MAP2: variants seen among roughly 807,000 people sequenced by gnomAD.
MAP2 encodes the protein microtubule associated protein 2, also known as microtubule-associated protein 2.
In MAP2, 14 loss-of-function variants were observed where a neutral mutation model predicts 137.6. The observed-to-expected ratio is 0.10, with a 90% CI of 0.07 to 0.16. The LOEUF (loss-of-function observed/expected upper bound fraction) is 0.16. Among genes scored for constraint, MAP2 ranks in the 10% least tolerant of loss-of-function variants. The probability of loss-of-function intolerance (pLI) is 1.00; values close to 1 mark genes in which losing one functional copy is unlikely to be tolerated. For missense variants in MAP2, 2,088 were observed against 2,191.5 expected, an observed-to-expected ratio of 0.95 and a Z score of 0.94; for synonymous variants, 786 against 782.3, an observed-to-expected ratio of 1.00 and a Z score of -0.08.
chr2:209,520,011 T>G (rs2063049445), intron 2 of MAP2, among the ~76,000 whole-genome samples: 1 of 152,098 alleles, frequency 6.6e-6, no homozygotes, highest in African/African-American at 2.4e-5. Flanking sequence ...TGTTTCAGAC[T>G]GGACATCCTA....
intron 3 of MAP2, 40 bp from the exon 4 acceptor site, chr2:209,625,013 G>T (rs1188579154): frequency 1.3e-5 from 2 of 152,070 alleles, no homozygotes; most frequent in Admixed American, 6.6e-5. Context: ...AATGTATATG[G>T]ATCAGGGATT....
intron 1 of MAP2, among the ~76,000 whole-genome samples, chr2:209,482,284 G>C (rs1032071778): frequency 6.6e-6 from 1 of 152,080 alleles, no homozygotes; most frequent in Non-Finnish European, 1.5e-5. Flanking sequence ...ATATAGACAT[G>C]AAAAAATGTT....
At chr2:209,710,621 C>T (rs1425032336) in intron 13 of MAP2, 1 of 176,754 alleles carries the variant, frequency 5.7e-6, no homozygotes, top group African/African-American at 2.4e-5. Context: ...GCTCATTTGG[C>T]TATCTTTTAG....
At chr2:209,500,136 C>G (rs1340409070) in intron 1 of MAP2, among the ~76,000 whole-genome samples, 1 of 152,198 alleles carries the variant, frequency 6.6e-6, no homozygotes, top group African/African-American at 2.4e-5. Flanking sequence ...AAGCACTCCC[C>G]TCTCTGATCC....
At chr2:209,612,194 T>C (rs1172328710) in intron 3 of MAP2, among the ~76,000 whole-genome samples, 2 of 152,192 alleles carry the variant, frequency 1.3e-5, no homozygotes, top group Non-Finnish European at 2.9e-5. Context: ...ATCAACTCTA[T>C]TTTATAGACC....
intron 1 of MAP2, among the ~76,000 whole-genome samples, chr2:209,476,609 C>T (rs568635648): frequency 6.6e-6 from 1 of 152,212 alleles, no homozygotes; most frequent in Non-Finnish European, 1.5e-5. Context: ...GGAAAAGCAA[C>T]ATTAGAGGTT....
At chr2:209,463,619 A>G (rs2149620650) in intron 1 of MAP2, among the ~76,000 whole-genome samples, 1 of 152,348 alleles carries the variant, frequency 6.6e-6, no homozygotes, top group Admixed American at 6.5e-5. Context: ...AATCATAAAA[A>G]TGTATGTACT....
In MAP2 at chr2:209,709,932, G is replaced by A; in HGVS notation, c.4751G>A (p.Arg1584Lys). Reference sequence around the variant, plus strand: ...AATACAGGGTCAGAGCCAATTCGCAGAGCAGGGAAGAGTGGTACCTCAACA... The same window carrying A: ...AATACAGGGTCAGAGCCAATTCGCAAAGCAGGGAAGAGTGGTACCTCAACA... ...RRTTRSEPIR[R>K]AGKSGTSTPT... is the part of the protein sequence containing the mutation. The change falls in exon 13 of 16, where the codon AGA becomes AAA. Residue 1584 changes from arginine (R) to lysine (K), a missense_variant. Coordinates refer to ENST00000682079, the MANE Select transcript of MAP2 (RefSeq NM_001375505.1). 6.2e-7 allele frequency: 1 copy of A among 1,613,510 alleles called. No individual in the cohort carries two copies. The highest frequency in any genetic ancestry group is 1.1e-5 in the South Asian group (1 of 91,026).
Position 209,731,063 on chromosome 2 carries a change from A to G in MAP2, c.*666A>G, listed in dbSNP as rs1313981057. On this transcript the variant is annotated 3_prime_UTR_variant, in exon 16 of 16. Coordinates refer to ENST00000682079, the MANE Select transcript of MAP2 (RefSeq NM_001375505.1). The stretch of plus-strand genomic sequence containing the variant: ...CATCCATTAGGAATGATGCACTTTC[A>G]TTAGGATGGACTCGTGTCTGATTAG... 6.5e-6 allele frequency: 1 copy of G among 152,710 alleles called. No homozygotes were observed. Among genetic ancestry groups the G allele is most frequent in the Non-Finnish European group, 1.5e-5 (1 of 68,118 alleles). The allele number at this position is 152,710 out of a possible 1,614,324, so 9.5% of individuals were successfully genotyped here.
intron 2 of MAP2, among the ~76,000 whole-genome samples, chr2:209,522,558 C>A (rs576278289): frequency 3.3e-4 from 50 of 152,214 alleles, no homozygotes; most frequent in African/African-American, 1.1e-3. Context: ...CATTGTATTT[C>A]TGATTGAGAG....
chr2:209,640,929 TAG>T (rs2093976473), intron 4 of MAP2, among the ~76,000 whole-genome samples: 1 of 151,988 alleles, frequency 6.6e-6, no homozygotes, highest in South Asian at 2.1e-4. Flanking sequence ...CTCCAACTTT[TAG>T]AGTTTTGTTT....
chr2:209,653,049 C>A, intron 4 of MAP2, 93 bp from the exon 5 acceptor site: 2 of 940,816 alleles, frequency 2.1e-6, no homozygotes, highest in East Asian at 2.7e-5. Flanking sequence ...TAGAAAGCCA[C>A]ACGGTTTGCT....
At chr2:209,724,015 T>C (rs1206239436) in intron 13 of MAP2, among the ~76,000 whole-genome samples, 1 of 152,210 alleles carries the variant, frequency 6.6e-6, no homozygotes, top group African/African-American at 2.4e-5. Flanking sequence ...TTTCTCACGT[T>C]GTTTCTACTC....
At chr2:209,620,180 T>A (rs1032261340) in intron 3 of MAP2, among the ~76,000 whole-genome samples, 1 of 152,212 alleles carries the variant, frequency 6.6e-6, no homozygotes, top group Non-Finnish European at 1.5e-5. Flanking sequence ...TCTAATTGTT[T>A]ATCCTTCACC....
At chr2:209,614,628 C>T (rs72997683) in intron 3 of MAP2, among the ~76,000 whole-genome samples, 11,297 of 152,234 alleles carry the variant, frequency 0.074, 605 homozygotes, top group Non-Finnish European at 0.11. Context: ...GTAATATTCT[C>T]ACTCAATTAA....
At chr2:209,481,465 G>A (rs1708759971) in intron 1 of MAP2, among the ~76,000 whole-genome samples, 1 of 152,176 alleles carries the variant, frequency 6.6e-6, no homozygotes, top group African/African-American at 2.4e-5. Flanking sequence ...GTACACCAAA[G>A]TGCCACTCCA....
At chr2:209,533,247 C>G (rs575298325) in intron 2 of MAP2, among the ~76,000 whole-genome samples, 4 of 152,096 alleles carry the variant, frequency 2.6e-5, no homozygotes, top group African/African-American at 9.7e-5. Context: ...CAGGTTCAAG[C>G]GATTCTCCTG....
chr2:209,651,108 C>T (rs1284907487), intron 4 of MAP2, among the ~76,000 whole-genome samples: 9 of 152,108 alleles, frequency 5.9e-5, no homozygotes, highest in African/African-American at 1.7e-4. Flanking sequence ...CACAACTCAG[C>T]GGAAACACAA....
At chr2:209,654,897 T>G (rs2095043437) in intron 5 of MAP2, among the ~76,000 whole-genome samples, 2 of 152,196 alleles carry the variant, frequency 1.3e-5, no homozygotes, top group South Asian at 4.1e-4. Context: ...CTCTTCACAT[T>G]AATGATGAAA....
Sources: gnomAD v4.1 joint callset for allele counts (sites outside exome capture counted in the v4.1 genomes callset) on GRCh38, gnomAD v4.1.1 for gene constraint, MANE v1.5 for transcripts, NCBI Gene and HGNC (gene_info 2026-07-23, HGNC 2026-07-21) for gene names.